The following ABCD3 variants were observed in gnomAD, a reference collection of about 807,000 sequenced individuals.
The protein encoded by ABCD3 is ATP-binding cassette sub-family D member 3.
In ABCD3, 41 loss-of-function variants were observed where a neutral mutation model predicts 105.5. The ratio of observed to expected loss-of-function variants is 0.39; its 90% confidence interval spans 0.30 to 0.50. The LOEUF is 0.50. Among genes scored for constraint, ABCD3 ranks in the 20% least tolerant of loss-of-function variants. The pLI is 0.84. For missense variants in ABCD3, 622 were observed against 806.3 expected, an observed-to-expected ratio of 0.77 and a Z score of 2.77; for synonymous variants, 258 against 269.0, an observed-to-expected ratio of 0.96 and a Z score of 0.40.
the ABCD3 span, among the ~76,000 whole-genome samples, chr1:94,388,076 T>C: frequency 6.6e-6 from 1 of 152,210 alleles, no homozygotes; most frequent in Non-Finnish European, 1.5e-5. Flanking sequence ...TTCTTAATTA[T>C]GTTTTTCAGA....
chr1:94,435,315 G>C (rs1198985864), intron 1 of ABCD3, among the ~76,000 whole-genome samples: 3 of 152,118 alleles, frequency 2.0e-5, no homozygotes, highest in African/African-American at 7.2e-5. Flanking sequence ...CCAGGCAGGA[G>C]GATAACTTGA....
intron 2 of ABCD3, among the ~76,000 whole-genome samples, chr1:94,462,038 T>C (rs1647898914): frequency 6.6e-6 from 1 of 152,236 alleles, no homozygotes; most frequent in African/African-American, 2.4e-5. Flanking sequence ...CAATAGGAAC[T>C]TCTCATTGTA....
At chr1:94,500,997 AAATG>A (rs1650065418) in intron 20 of ABCD3, among the ~76,000 whole-genome samples, 1 of 152,162 alleles carries the variant, frequency 6.6e-6, no homozygotes, top group Non-Finnish European at 1.5e-5. Flanking sequence ...TCTTCAGAGA[AAATG>A]GAAGGATGTG....
At chr1:94,454,376 A>G (rs1377005791) in intron 1 of ABCD3, among the ~76,000 whole-genome samples, 2 of 152,198 alleles carry the variant, frequency 1.3e-5, no homozygotes, top group Non-Finnish European at 2.9e-5. Context: ...TATGTTCAGT[A>G]TGGAATAATG....
the ABCD3 span, among the ~76,000 whole-genome samples, chr1:94,401,604 ATAAGT>A: frequency 6.6e-6 from 1 of 152,192 alleles, no homozygotes; most frequent in African/African-American, 2.4e-5. Context: ...TCTTCTTAAG[ATAAGT>A]TATTTTTTCT....
chr1:94,398,745 C>G, the ABCD3 span, among the ~76,000 whole-genome samples: 11 of 152,242 alleles, frequency 7.2e-5, no homozygotes, highest in African/African-American at 2.6e-4. Context: ...AACCCTGTCT[C>G]TACTAAAAAT....
At chr1:94,471,477 A>C (rs1221439529) in intron 4 of ABCD3, among the ~76,000 whole-genome samples, 1 of 151,196 alleles carries the variant, frequency 6.6e-6, no homozygotes, top group Non-Finnish European at 1.5e-5. Context: ...GGATCACTTA[A>C]GCTTAGGGAT....
At chr1:94,387,962 G>A in the ABCD3 span, among the ~76,000 whole-genome samples, 1 of 152,130 alleles carries the variant, frequency 6.6e-6, no homozygotes, top group African/African-American at 2.4e-5. Flanking sequence ...AAATGAGGGA[G>A]TGAAGGCTCA....
chr1:94,448,205 A>G (rs1660431658), intron 1 of ABCD3, among the ~76,000 whole-genome samples: 1 of 152,200 alleles, frequency 6.6e-6, no homozygotes, highest in African/African-American at 2.4e-5. Flanking sequence ...TATGATAGGA[A>G]ACGGGAGAAC....
the ABCD3 span, among the ~76,000 whole-genome samples, chr1:94,388,121 G>A: frequency 6.6e-6 from 1 of 152,078 alleles, no homozygotes; most frequent in Non-Finnish European, 1.5e-5. Context: ...TTTACTTATA[G>A]TTACCAAGTA....
chr1:94,448,161 G>A (rs1017179820), intron 1 of ABCD3, among the ~76,000 whole-genome samples: 3 of 152,098 alleles, frequency 2.0e-5, no homozygotes, highest in South Asian at 4.1e-4. Flanking sequence ...ACTAATTGAC[G>A]GACTCTAACT....
At chr1:94,446,530 T>C (rs920114077) in intron 1 of ABCD3, among the ~76,000 whole-genome samples, 2 of 152,188 alleles carry the variant, frequency 1.3e-5, no homozygotes, top group African/African-American at 2.4e-5. Flanking sequence ...ATAGCACAGC[T>C]CCTGATTGTG....
At chr1:94,411,978 G>T in the ABCD3 span, among the ~76,000 whole-genome samples, 1 of 152,202 alleles carries the variant, frequency 6.6e-6, no homozygotes, top group Admixed American at 6.5e-5. Context: ...ATTGATGGTT[G>T]CCAGGGACTA....
intron 1 of ABCD3, among the ~76,000 whole-genome samples, chr1:94,430,988 A>G (rs1376044694): frequency 3.3e-5 from 5 of 152,196 alleles, no homozygotes; most frequent in African/African-American, 7.2e-5. Context: ...TTTACATTTT[A>G]GCATCTCTGT....
In ABCD3 at chr1:94,487,574, G is replaced by C; in HGVS notation, c.930G>C (p.Arg310=). Residue 310 remains arginine, a synonymous_variant, in exon 11 of 23, where the codon CGG becomes CGC. Coordinates refer to ENST00000370214, the MANE Select transcript of ABCD3 (RefSeq NM_002858.4). ...VEHLHNFILF[R]FSMGFIDSII... Reference sequence around the variant, plus strand: ...ACCTACATAATTTCATTTTGTTTCGGTTTTCAATGGGCTTCATTGATAGTA... The same window carrying C: ...ACCTACATAATTTCATTTTGTTTCGCTTTTCAATGGGCTTCATTGATAGTA... 6.2e-7 allele frequency: 1 copy of C among 1,613,746 alleles called. No homozygotes were observed. The highest frequency in any genetic ancestry group is 8.5e-7 in the Non-Finnish European group (1 of 1,179,872).
chr1:94,502,267 T>C (rs545146749), intron 20 of ABCD3, among the ~76,000 whole-genome samples: 2 of 152,330 alleles, frequency 1.3e-5, no homozygotes, highest in South Asian at 4.1e-4. Context: ...ACAATCATTT[T>C]AAAACTACCA....
chr1:94,478,454 G>C (rs758417836), intron 8 of ABCD3, 139 bp downstream of exon 8: 63 of 1,228,414 alleles, frequency 5.1e-5, no homozygotes, highest in Non-Finnish European at 6.7e-5. Flanking sequence ...AACAAAGTCT[G>C]GTTATAAAAT....
At chr1:94,387,247 T>G in the ABCD3 span, among the ~76,000 whole-genome samples, 1 of 152,254 alleles carries the variant, frequency 6.6e-6, no homozygotes, top group East Asian at 1.9e-4. Context: ...AGCCTCTATT[T>G]AACAACAGGA....
At chr1:94,433,919 G>C (rs1381124502) in intron 1 of ABCD3, among the ~76,000 whole-genome samples, 1 of 152,018 alleles carries the variant, frequency 6.6e-6, no homozygotes, top group Non-Finnish European at 1.5e-5. Flanking sequence ...AAAGTGCTGG[G>C]ATTATGGGTA....
Sources: allele counts gnomAD v4.1 joint callset (sites outside exome capture counted in the v4.1 genomes callset), GRCh38; gene constraint gnomAD v4.1.1; transcripts MANE v1.5; gene names NCBI Gene and HGNC (gene_info 2026-07-23, HGNC 2026-07-21).